PRELID2: variants seen among roughly 807,000 people sequenced by gnomAD.
The protein encoded by PRELID2 is PRELI domain-containing protein 2.
Under a neutral mutation model 28.4 loss-of-function variants are expected in PRELID2, and 25 were observed. The observed-to-expected ratio is 0.88, with a 90% confidence interval of 0.64 to 1.23. The LOEUF (loss-of-function observed/expected upper bound fraction) is 1.23, where lower values mean the gene tolerates loss of function less well. Ranked by LOEUF, PRELID2 falls within the 50% of genes most tolerant of loss-of-function variation. The probability of loss-of-function intolerance (pLI) is 0.00; values close to 1 mark genes in which losing one functional copy is unlikely to be tolerated. For synonymous variants in PRELID2, 76 were observed against 71.6 expected (o/e 1.06, Z -0.31); for missense variants, 201 against 214.4 (o/e 0.94, Z 0.39).
chr5:145,711,720 G>A lies in PRELID2; in HGVS notation n.70+53211C>T, dbSNP rs76167015. Among the ~76,000 whole-genome samples the A allele has an allele frequency of 6.2e-4, 95 of 152,112 alleles. No individual in the cohort carries two copies. In the East Asian group the frequency reaches 7.2e-3, roughly 12 times the overall value. On this transcript the variant is annotated intron_variant and non_coding_transcript_variant, in intron 1 of 2. Coordinates refer to the PRELID2 transcript ENST00000510259. ...TGCACTCCAGTCCCTGAGTACTTAC[G>A]GCTGTGTGTTGGGTGGGTTGGGGGG...
At chr5:145,473,010 G>A (rs1031578589) in intron 2 of PRELID2, among the ~76,000 whole-genome samples, 12 of 152,042 alleles carry the variant, frequency 7.9e-5, no homozygotes, top group African/African-American at 2.7e-4. Context: ...TTCATTCACA[G>A]CAACCAACTA....
At chr5:145,567,840 T>C (rs1752981024) in intron 1 of PRELID2, among the ~76,000 whole-genome samples, 1 of 152,218 alleles carries the variant, frequency 6.6e-6, no homozygotes. Context: ...ACTTCTTTCC[T>C]TTCTAAATTG....
the PRELID2 span, among the ~76,000 whole-genome samples, chr5:145,249,869 G>A: frequency 6.6e-6 from 1 of 151,870 alleles, no homozygotes; most frequent in Non-Finnish European, 1.5e-5. Flanking sequence ...AGGGGCAATA[G>A]GGGAGTGGGA....
At chr5:145,651,783 A>G (rs991396202) in intron 1 of PRELID2, among the ~76,000 whole-genome samples, 4 of 152,234 alleles carry the variant, frequency 2.6e-5, no homozygotes, top group Non-Finnish European at 4.4e-5. Context: ...ACCAAGGTAG[A>G]TAAAACCACA....
intron 6 of PRELID2, among the ~76,000 whole-genome samples, chr5:145,763,821 T>C (rs530688031): frequency 6.6e-6 from 1 of 152,308 alleles, no homozygotes; most frequent in East Asian, 1.9e-4. Context: ...CTCACGCCTG[T>C]AATCCTAGCA....
the PRELID2 span, among the ~76,000 whole-genome samples, chr5:145,334,912 C>A: frequency 9.2e-5 from 14 of 151,628 alleles, no homozygotes; most frequent in Admixed American, 4.0e-4. Context: ...TTTCAAAATT[C>A]TCTCTTTTTC....
At chr5:145,241,829 G>A in the PRELID2 span, among the ~76,000 whole-genome samples, 26 of 151,784 alleles carry the variant, frequency 1.7e-4, no homozygotes, top group African/African-American at 2.4e-4. Context: ...AGTGAACATC[G>A]TTTTCTTACA....
chr5:145,369,107 G>A, the PRELID2 span, among the ~76,000 whole-genome samples: 1 of 151,712 alleles, frequency 6.6e-6, no homozygotes, highest in Non-Finnish European at 1.5e-5. Context: ...AAAGTTAATG[G>A]CATTTAGCTC....
chr5:145,600,434 A>AAAAAAAAATATATATATATATATAT (rs1315631607), intron 1 of PRELID2, among the ~76,000 whole-genome samples: 1 of 120,114 alleles, frequency 8.3e-6, no homozygotes, highest in Non-Finnish European at 1.6e-5. Context: ...AAAAAAAAAA[A>AAAAAAAAATATATATATATATATAT]ATATATATAT....
At chr5:145,521,985 A>T (rs911177126) in intron 1 of PRELID2, among the ~76,000 whole-genome samples, 3 of 152,206 alleles carry the variant, frequency 2.0e-5, no homozygotes, top group African/African-American at 7.2e-5. Context: ...TACCAGTGAA[A>T]GAAAATTGCC....
At chr5:145,255,122 G>C in the PRELID2 span, among the ~76,000 whole-genome samples, 3 of 151,976 alleles carry the variant, frequency 2.0e-5, no homozygotes, top group African/African-American at 7.2e-5. Flanking sequence ...ATTTACTTTA[G>C]TCTCTGCTAT....
the PRELID2 span, among the ~76,000 whole-genome samples, chr5:145,256,144 G>C: frequency 6.6e-6 from 1 of 151,912 alleles, no homozygotes; most frequent in East Asian, 1.9e-4. Flanking sequence ...CCATAAAAAA[G>C]AATCAATTTT....
At chr5:145,409,323 C>T in the PRELID2 span, among the ~76,000 whole-genome samples, 43 of 152,194 alleles carry the variant, frequency 2.8e-4, no homozygotes, top group East Asian at 7.4e-3. Flanking sequence ...AAAAAAACAA[C>T]GTATTCAGGT....
the PRELID2 span, among the ~76,000 whole-genome samples, chr5:145,448,768 T>G: frequency 6.6e-6 from 1 of 152,120 alleles, no homozygotes; most frequent in Non-Finnish European, 1.5e-5. Flanking sequence ...AATACCTATG[T>G]CATATGGTTG....
chr5:145,662,829 C>T (rs1444495279), intron 1 of PRELID2, among the ~76,000 whole-genome samples: 4 of 152,138 alleles, frequency 2.6e-5, no homozygotes, highest in African/African-American at 7.2e-5. Flanking sequence ...GACTTCTCAG[C>T]CTCCATAACT....
At chr5:145,250,788 C>A in the PRELID2 span, among the ~76,000 whole-genome samples, 1 of 152,086 alleles carries the variant, frequency 6.6e-6, no homozygotes, top group African/African-American at 2.4e-5. Context: ...CTTGATAAAG[C>A]CAAACAAAAA....
the PRELID2 span, among the ~76,000 whole-genome samples, chr5:145,257,148 G>T: frequency 6.6e-6 from 1 of 151,870 alleles, no homozygotes; most frequent in African/African-American, 2.4e-5. Flanking sequence ...AAAGGCTATT[G>T]ACTCTTTAAG....
chr5:145,781,762 CTATA>C (rs112358316), intron 5 of PRELID2, among the ~76,000 whole-genome samples: 1 of 142,626 alleles, frequency 7.0e-6, no homozygotes, highest in Admixed American at 7.2e-5. Flanking sequence ...TATATATACA[CTATA>C]TATATATATA....
At chr5:145,468,232 C>A (rs931804886), downstream of PRELID2, among the ~76,000 whole-genome samples, 2 of 152,122 alleles carry the variant, frequency 1.3e-5, no homozygotes, top group African/African-American at 2.4e-5. Context: ...CATGTCCCTA[C>A]AAAGGACATG....
Sources: gnomAD v4.1 joint callset for allele counts (sites outside exome capture counted in the v4.1 genomes callset) on GRCh38, gnomAD v4.1.1 for gene constraint, MANE v1.5 for transcripts, NCBI Gene and HGNC (gene_info 2026-07-23, HGNC 2026-07-21) for gene names.